ATRN: variants seen among roughly 807,000 people sequenced by gnomAD.
The protein encoded by ATRN is attractin-2.
Under a neutral mutation model 178.7 loss-of-function variants are expected in ATRN, and 54 were observed. The ratio of observed to expected loss-of-function variants is 0.30; its 90% CI spans 0.24 to 0.38. The LOEUF (loss-of-function observed/expected upper bound fraction) is 0.38. Among genes scored for constraint, ATRN ranks in the 10% least tolerant of loss-of-function variants. The probability of loss-of-function intolerance (pLI) is 1.00; values close to 1 mark genes in which losing one functional copy is unlikely to be tolerated. For missense variants in ATRN, 1,443 were observed against 1,815.1 expected, an observed-to-expected ratio of 0.79 and a Z score of 3.73; for synonymous variants, 636 against 663.0, an observed-to-expected ratio of 0.96 and a Z score of 0.63.
chr20:3,492,856 C>CGCGT (rs780132454), intron 1 of ATRN, among the ~76,000 whole-genome samples: 5 of 116,562 alleles, frequency 4.3e-5, no homozygotes, highest in African/African-American at 1.6e-4. Context: ...GAGAGAGAGG[C>CGCGT]GCGCGCGCGC....
intron 18 of ATRN, among the ~76,000 whole-genome samples, chr20:3,586,249 C>T (rs776363560): frequency 1.3e-5 from 2 of 152,034 alleles, no homozygotes; most frequent in Non-Finnish European, 2.9e-5. Flanking sequence ...TGTTATTTGG[C>T]AATAAAAAGG....
At chr20:3,492,453 C>T (rs2084808109) in intron 1 of ATRN, among the ~76,000 whole-genome samples, 1 of 152,032 alleles carries the variant, frequency 6.6e-6, no homozygotes. Context: ...GAATGTTGTT[C>T]TGCTGTAGGG....
chr20:3,475,031 C>CA (rs1189030441), intron 1 of ATRN, among the ~76,000 whole-genome samples: 5,356 of 53,950 alleles, frequency 0.099, 456 homozygotes, highest in African/African-American at 0.26. Flanking sequence ...GACTCCATCT[C>CA]AAAAAAAAAA....
chr20:3,487,367 G>A (rs1280338135), intron 1 of ATRN, among the ~76,000 whole-genome samples: 1 of 152,050 alleles, frequency 6.6e-6, no homozygotes, highest in Admixed American at 6.6e-5. Flanking sequence ...CGAGTAGCTG[G>A]GATTACAGAT....
At chr20:3,608,826 G>A (rs2086716571) in intron 24 of ATRN, among the ~76,000 whole-genome samples, 1 of 152,136 alleles carries the variant, frequency 6.6e-6, no homozygotes, top group African/African-American at 2.4e-5. Flanking sequence ...AATTAGCCAT[G>A]TGCAGTGGTG....
rs1490657065 is a variant in ATRN at position 3,508,868 on chromosome 20, C to T, written c.411-26385C>T. On this transcript the variant is annotated intron_variant, in intron 1 of 28. Transcript: ENST00000262919. Reference sequence around the variant, plus strand: ...TGAAGCTTAAGGTCCTTGAATTGCCCAGGAAATGGTATAAGTACTAATTTA... The same window carrying T: ...TGAAGCTTAAGGTCCTTGAATTGCCTAGGAAATGGTATAAGTACTAATTTA... 1.4e-4 allele frequency among the ~76,000 whole-genome samples: 22 copies of T among 152,144 alleles called. No homozygotes were observed. In the East Asian group the frequency reaches 4.1e-3, roughly 28 times the overall value.
chr20:3,553,516 A>G (rs936422255), intron 6 of ATRN, among the ~76,000 whole-genome samples: 1 of 152,194 alleles, frequency 6.6e-6, no homozygotes, highest in African/African-American at 2.4e-5. Context: ...GGTGCCATTG[A>G]ACAATATAAA....
Position 3,582,309 on chromosome 20 carries a change from G to T in ATRN, c.2719G>T (p.Ala907Ser). Reference protein sequence around the residue: ...SEPSTRGLKAATCINPLNGSV... With the variant: ...SEPSTRGLKASTCINPLNGSV... ...ACCCAGTACTCGGGGACTGAAGGCT[G>T]CAACCTGCATCAACCCACTCAATGG... Residue 907 changes from alanine (A) to serine (S), a missense_variant, in exon 16 of 29, where the codon GCA becomes TCA. This residue lies in a region of ATRN where 212 missense variants were observed against 330.7 expected (regional missense o/e 0.64). Coordinates refer to ENST00000262919, the MANE Select transcript of ATRN (RefSeq NM_139321.3). The T allele has an allele frequency of 6.2e-7, 1 of 1,612,448 alleles. No individual in the cohort carries two copies. The highest frequency in any genetic ancestry group is 1.1e-5 in the South Asian group (1 of 91,002).
At chr20:3,643,002 C>T (rs1168510657) in intron 27 of ATRN, among the ~76,000 whole-genome samples, 1 of 152,140 alleles carries the variant, frequency 6.6e-6, no homozygotes, top group Non-Finnish European at 1.5e-5. Context: ...GCTGTGTCAC[C>T]CACACTGGAG....
intron 10 of ATRN, among the ~76,000 whole-genome samples, chr20:3,563,865 A>C (rs1368332712): frequency 1.3e-5 from 2 of 152,184 alleles, no homozygotes; most frequent in Non-Finnish European, 2.9e-5. Context: ...TATTTTTTTG[A>C]TTGTGGTAAA....
chr20:3,591,454 C>G, intron 19 of ATRN, 148 bp downstream of exon 19: 2 of 1,068,898 alleles, frequency 1.9e-6, no homozygotes, highest in East Asian at 2.6e-5. Flanking sequence ...CTCAGCTGAG[C>G]TGGAAGAAAG....
intron 18 of ATRN, among the ~76,000 whole-genome samples, chr20:3,589,233 C>T (rs768227117): frequency 2.0e-5 from 3 of 151,980 alleles, no homozygotes; most frequent in Non-Finnish European, 2.9e-5. Flanking sequence ...CTCCTGACCT[C>T]GTGATCTGCC....
intron 1 of ATRN, among the ~76,000 whole-genome samples, chr20:3,512,107 A>ATATATATATATATATTTTTT: frequency 1.1e-4 from 12 of 106,384 alleles, no homozygotes; most frequent in South Asian, 2.9e-4. Context: ...ATATATATAT[A>ATATATATATATATATTTTTT]TTTTTTTTTT....
Position 3,563,201 on chromosome 20 carries a change from C to A in ATRN, c.1632-8C>A. The A allele has an allele frequency of 6.3e-7, 1 of 1,597,380 alleles. No homozygotes were observed. The highest frequency in any genetic ancestry group is 8.5e-7 in the Non-Finnish European group (1 of 1,169,978). On this transcript the variant is annotated splice_polypyrimidine_tract_variant and splice_region_variant and intron_variant, in intron 9 of 28. Transcript: ENST00000262919. Reference sequence around the variant, plus strand: ...CTTGTATTTATTATTTCTAAATAAACTCAAAAGGACCATTCTTAAGGACAG... The same window carrying A: ...CTTGTATTTATTATTTCTAAATAAAATCAAAAGGACCATTCTTAAGGACAG...
intron 24 of ATRN, among the ~76,000 whole-genome samples, chr20:3,616,150 C>A (rs1362264240): frequency 6.6e-6 from 1 of 152,054 alleles, no homozygotes; most frequent in Non-Finnish European, 1.5e-5. Context: ...CTATTGTTCC[C>A]TTGGGTTTCA....
At chr20:3,519,602 A>G (rs968045086) in intron 1 of ATRN, among the ~76,000 whole-genome samples, 2 of 152,196 alleles carry the variant, frequency 1.3e-5, no homozygotes, top group African/African-American at 2.4e-5. Flanking sequence ...AAAGAAACAG[A>G]TGGAAGAAAA....
intron 18 of ATRN, among the ~76,000 whole-genome samples, chr20:3,588,409 G>C (rs2086388673): frequency 6.6e-6 from 1 of 151,934 alleles, no homozygotes; most frequent in Non-Finnish European, 1.5e-5. Context: ...GCTAGATTTT[G>C]TCAAACACTT....
intron 1 of ATRN, among the ~76,000 whole-genome samples, chr20:3,474,600 G>A (rs562829027): frequency 3.6e-4 from 55 of 151,922 alleles, no homozygotes; most frequent in Middle Eastern, 3.4e-3. Context: ...CCAGCTACTC[G>A]GGAGGCTGAG....
intron 1 of ATRN, among the ~76,000 whole-genome samples, chr20:3,481,491 G>T (rs953251456): frequency 6.6e-6 from 1 of 151,884 alleles, no homozygotes; most frequent in Non-Finnish European, 1.5e-5. Flanking sequence ...AGAACTGCAG[G>T]TGCGCACCAC....
Sources: allele counts gnomAD v4.1 joint callset (sites outside exome capture counted in the v4.1 genomes callset), GRCh38; gene constraint gnomAD v4.1.1; regional missense constraint gnomAD v4.1.1; transcripts MANE v1.5; gene names NCBI Gene and HGNC (gene_info 2026-07-23, HGNC 2026-07-21).